The following CDC14B variants were observed in gnomAD, a reference collection of about 807,000 sequenced individuals.
The protein encoded by CDC14B is cell division cycle 14B.
Under a neutral mutation model 64.2 loss-of-function variants are expected in CDC14B, and 22 were observed. The ratio of observed to expected loss-of-function variants is 0.34; its 90% CI spans 0.24 to 0.49. The LOEUF (loss-of-function observed/expected upper bound fraction) is 0.49. Among genes scored for constraint, CDC14B ranks in the 20% least tolerant of loss-of-function variants. The pLI is 0.99. For synonymous variants in CDC14B, 191 were observed against 215.8 expected (o/e 0.89, Z 1.01); for missense variants, 498 against 629.9 (o/e 0.79, Z 2.24).
chr9:96,589,762 T>A (rs1356266620), intron 1 of CDC14B, among the ~76,000 whole-genome samples: 1 of 151,834 alleles, frequency 6.6e-6, no homozygotes, highest in Non-Finnish European at 1.5e-5. Context: ...ATCGAGACCA[T>A]CCTGGTTAAC....
chr9:96,612,649 T>C (rs905341449), intron 1 of CDC14B, among the ~76,000 whole-genome samples: 5 of 152,206 alleles, frequency 3.3e-5, no homozygotes, highest in Admixed American at 6.5e-5. Flanking sequence ...TTTTCTTCCC[T>C]AAAGATTTCA....
chr9:96,560,348 G>A (rs1020736540), intron 4 of CDC14B, among the ~76,000 whole-genome samples: 6 of 152,136 alleles, frequency 3.9e-5, no homozygotes, highest in African/African-American at 7.2e-5. Context: ...AGAACGGTTG[G>A]AACTTTTTTC....
intron 11 of CDC14B, among the ~76,000 whole-genome samples, chr9:96,522,812 A>T (rs1836951357): frequency 6.6e-6 from 1 of 150,770 alleles, no homozygotes; most frequent in Non-Finnish European, 1.5e-5. Flanking sequence ...GTTAGAAAAC[A>T]CATCAACAGT....
intron 1 of CDC14B, among the ~76,000 whole-genome samples, chr9:96,592,998 T>C (rs745823536): frequency 1.1e-4 from 17 of 152,146 alleles, no homozygotes; most frequent in Admixed American, 6.6e-5. Context: ...GGAGTCAAAG[T>C]TAAATAAAAT....
chr9:96,577,925 G>C lies in CDC14B; in HGVS notation c.161-12442C>G, dbSNP rs569075168. Among the ~76,000 whole-genome samples the C allele has an allele frequency of 8.5e-5, 13 of 152,356 alleles. No individual in the cohort carries two copies. The East Asian group carries it at 2.5e-3, about 29-fold the overall frequency. ...AATGGAATATTATATGGCAATGAGA[G>C]TGCCTGAGGCTACAGCCACACACAT... On this transcript the variant is annotated intron_variant, in intron 1 of 13. Transcript: ENST00000375241.
chr9:96,507,593 T>G (rs112147877), intron 13 of CDC14B, among the ~76,000 whole-genome samples: 2,163 of 152,042 alleles, frequency 0.014, 50 homozygotes, highest in African/African-American at 0.049. Context: ...TTTTTGTATT[T>G]TTAGTAGAGA....
intron 5 of CDC14B, among the ~76,000 whole-genome samples, chr9:96,548,125 T>C (rs1841256852): frequency 6.6e-6 from 1 of 152,062 alleles, no homozygotes; most frequent in Non-Finnish European, 1.5e-5. Context: ...GCGCCCAGCC[T>C]ATTGTTTCTG....
intron 9 of CDC14B, among the ~76,000 whole-genome samples, chr9:96,526,179 A>T (rs1837527044): frequency 6.6e-6 from 1 of 152,122 alleles, no homozygotes; most frequent in African/African-American, 2.4e-5. Flanking sequence ...CATCCTGGCT[A>T]ACACAGTGAA....
chr9:96,513,076 G>A (rs1354034845), intron 12 of CDC14B, among the ~76,000 whole-genome samples: 2 of 152,046 alleles, frequency 1.3e-5, no homozygotes, highest in African/African-American at 4.8e-5. Context: ...GTCATTCTCA[G>A]GCTGCTGGAA....
intron 1 of CDC14B, chr9:96,567,071 T>A: frequency 9.9e-7 from 1 of 1,015,200 alleles, no homozygotes; most frequent in Non-Finnish European, 1.4e-6. Flanking sequence ...CCTCCCGCTT[T>A]CTTTCCCCCC....
intron 1 of CDC14B, among the ~76,000 whole-genome samples, chr9:96,609,804 A>G (rs571756814): frequency 6.6e-6 from 1 of 152,340 alleles, no homozygotes; most frequent in African/African-American, 2.4e-5. Context: ...AGATGTTTTT[A>G]TTTTGTAAAA....
chr9:96,605,698 A>C (rs1846858194), intron 1 of CDC14B, among the ~76,000 whole-genome samples: 1 of 152,146 alleles, frequency 6.6e-6, no homozygotes, highest in African/African-American at 2.4e-5. Context: ...ACTTAGTTTT[A>C]GTAAAATATT....
At chr9:96,564,683 T>C in intron 3 of CDC14B, 94 bp downstream of exon 3, 1 of 705,736 alleles carries the variant, frequency 1.4e-6, no homozygotes, top group Non-Finnish European at 2.3e-6. Context: ...GTGAAAAACA[T>C]GTCATTTCCT....
At chr9:96,535,029 T>G (rs1839081443) in intron 7 of CDC14B, among the ~76,000 whole-genome samples, 1 of 152,336 alleles carries the variant, frequency 6.6e-6, no homozygotes, top group Non-Finnish European at 1.5e-5. Context: ...CTTACTTACC[T>G]ACTTACAGAG....
chr9:96,514,317 C>A (rs968432244), intron 12 of CDC14B: 2 of 575,832 alleles, frequency 3.5e-6, no homozygotes, highest in African/African-American at 2.0e-5. Flanking sequence ...AGAAGAATAA[C>A]TCTATGTAGT....
chr9:96,530,159 T>A (rs1838216699), intron 9 of CDC14B, among the ~76,000 whole-genome samples: 1 of 152,202 alleles, frequency 6.6e-6, no homozygotes, highest in South Asian at 2.1e-4. Flanking sequence ...TTCTTTTTTA[T>A]ATTTTTATTG....
At chr9:96,564,065 A>AT (rs905436645) in intron 3 of CDC14B, among the ~76,000 whole-genome samples, 6 of 150,656 alleles carry the variant, frequency 4.0e-5, no homozygotes, top group African/African-American at 7.3e-5. Context: ...ATTCAATTAA[A>AT]TTTTTTTTTT....
chr9:96,535,191 C>T (rs959386890), intron 7 of CDC14B, among the ~76,000 whole-genome samples: 2 of 152,144 alleles, frequency 1.3e-5, no homozygotes, highest in African/African-American at 2.4e-5. Flanking sequence ...CCTGTAATCC[C>T]AGCTACTCGG....
chr9:96,585,809 T>C (rs1845425790), intron 1 of CDC14B, among the ~76,000 whole-genome samples: 2 of 152,200 alleles, frequency 1.3e-5, no homozygotes, highest in Admixed American at 1.3e-4. Flanking sequence ...GATTTGCAGA[T>C]GAATATTTCT....
Sources: gnomAD v4.1 joint callset for allele counts (sites outside exome capture counted in the v4.1 genomes callset) on GRCh38, gnomAD v4.1.1 for gene constraint, MANE v1.5 for transcripts, NCBI Gene and HGNC (gene_info 2026-07-23, HGNC 2026-07-21) for gene names.